Variants in RYK observed in about 807,000 individuals in gnomAD.
RYK encodes the protein receptor like tyrosine kinase, also known as inactive tyrosine-protein kinase RYK.
In RYK, 21 loss-of-function variants were observed where a neutral mutation model predicts 70.2. That is an observed-to-expected ratio of 0.30 (90% CI 0.21 to 0.43). The LOEUF is 0.43. Among genes scored for constraint, RYK ranks in the 20% least tolerant of loss-of-function variants. The pLI is 1.00. For synonymous variants in RYK, 267 were observed against 278.0 expected, an observed-to-expected ratio of 0.96 and a Z score of 0.39; for missense variants, 604 against 753.3, an observed-to-expected ratio of 0.80 and a Z score of 2.32.
At chr3:134,177,830 C>T in intron 11 of RYK, 111 bp downstream of exon 11, 2 of 894,304 alleles carry the variant, frequency 2.2e-6, no homozygotes, top group Non-Finnish European at 3.4e-6. Flanking sequence ...TTTTGAGGTT[C>T]TTTTTTGCAG....
rs368922784 is a variant in RYK at position 134,238,314 on chromosome 3, T to C, written c.232+12109A>G. 9.1e-4 allele frequency among the ~76,000 whole-genome samples: 139 copies of C among 152,324 alleles called. 1 individual carries two copies. The highest frequency in any genetic ancestry group is 3.2e-3 in the African/African-American group (134 of 41,574). On this transcript the variant is annotated intron_variant, in intron 1 of 14. Transcript: ENST00000623711. ...TGCCACATTCTTCAGCATTTCCTCA[T>C]ATATTTGTCCTGCAACCCTAAGTGT...
intron 8 of RYK, among the ~76,000 whole-genome samples, chr3:134,190,098 G>C (rs933201751): frequency 6.6e-6 from 1 of 152,214 alleles, no homozygotes; most frequent in African/African-American, 2.4e-5. Flanking sequence ...CTGTGGCCTA[G>C]AGACAGAGTA....
chr3:134,205,768 T>C (rs1425582731), intron 5 of RYK, among the ~76,000 whole-genome samples: 1 of 152,204 alleles, frequency 6.6e-6, no homozygotes, highest in Non-Finnish European at 1.5e-5. Context: ...TGCCTTATCA[T>C]AGCTTGCCAT....
At chr3:134,228,374 G>A (rs886147072) in intron 1 of RYK, among the ~76,000 whole-genome samples, 6 of 152,144 alleles carry the variant, frequency 3.9e-5, no homozygotes, top group African/African-American at 1.2e-4. Context: ...TTAGTATGTC[G>A]AAGAGGTATC....
chr3:134,162,883 GGAA>G (rs773674985), intron 13 of RYK, among the ~76,000 whole-genome samples: 3 of 152,230 alleles, frequency 2.0e-5, no homozygotes, highest in South Asian at 2.1e-4. Context: ...ACTAGATTTT[GGAA>G]GAAGAAACCA....
chr3:134,243,864 C>T (rs1393747844), intron 1 of RYK, among the ~76,000 whole-genome samples: 2 of 152,132 alleles, frequency 1.3e-5, no homozygotes, highest in Non-Finnish European at 2.9e-5. Flanking sequence ...ATCTCTGTTA[C>T]AGTCATAAAT....
chr3:134,200,498 G>A (rs933943474), intron 6 of RYK, among the ~76,000 whole-genome samples: 4 of 152,136 alleles, frequency 2.6e-5, no homozygotes, highest in Admixed American at 6.5e-5. Flanking sequence ...GCGAGAGTCC[G>A]CGGCTTCATT....
chr3:134,196,341 G>T (rs1302713384), intron 6 of RYK, among the ~76,000 whole-genome samples: 1 of 152,096 alleles, frequency 6.6e-6, no homozygotes, highest in African/African-American at 2.4e-5. Context: ...TTAGCTACAG[G>T]ATCAGCAGTG....
chr3:134,189,241 A>G (rs2013566997), intron 8 of RYK, among the ~76,000 whole-genome samples: 1 of 152,226 alleles, frequency 6.6e-6, no homozygotes. Context: ...CCACAATGGC[A>G]TTTATGAGTT....
chr3:134,196,751 C>T (rs1008742520), intron 6 of RYK, among the ~76,000 whole-genome samples: 9 of 152,140 alleles, frequency 5.9e-5, no homozygotes, highest in African/African-American at 2.2e-4. Context: ...CTTTATGTAG[C>T]CTTTCTATGG....
intron 10 of RYK, 100 bp downstream of exon 10, chr3:134,182,902 A>C: frequency 1.5e-6 from 1 of 649,412 alleles, no homozygotes; most frequent in Non-Finnish European, 2.4e-6. Flanking sequence ...TATTCCACAA[A>C]GCTTTCAATT....
chr3:134,239,205 A>G (rs563270669), intron 1 of RYK, among the ~76,000 whole-genome samples: 1 of 152,278 alleles, frequency 6.6e-6, no homozygotes, highest in East Asian at 1.9e-4. Context: ...CACACCTGTA[A>G]ACCCAGCACT....
chr3:134,193,355 T>G (rs1374821285), intron 7 of RYK, among the ~76,000 whole-genome samples: 2 of 152,096 alleles, frequency 1.3e-5, no homozygotes, highest in African/African-American at 4.8e-5. Context: ...AGCTAATTTT[T>G]TGTATTTTTA....
chr3:134,210,036 G>C (rs532624669), intron 3 of RYK, among the ~76,000 whole-genome samples: 1 of 152,206 alleles, frequency 6.6e-6, no homozygotes, highest in South Asian at 2.1e-4. Context: ...ATTCATTATG[G>C]ATATAAAAGT....
chr3:134,224,530 C>T (rs1459646675), intron 1 of RYK, among the ~76,000 whole-genome samples: 2 of 152,204 alleles, frequency 1.3e-5, no homozygotes, highest in Non-Finnish European at 2.9e-5. Flanking sequence ...CTCCAGATGG[C>T]TGCGGGCGGG....
At chr3:134,174,847 G>T (rs972904778) in intron 13 of RYK, among the ~76,000 whole-genome samples, 3 of 151,856 alleles carry the variant, frequency 2.0e-5, no homozygotes, top group Non-Finnish European at 4.4e-5. Context: ...GGATGACGGG[G>T]GGATTTACAA....
intron 7 of RYK, among the ~76,000 whole-genome samples, chr3:134,192,244 C>A (rs1045617290): frequency 2.6e-5 from 4 of 152,148 alleles, no homozygotes; most frequent in African/African-American, 7.2e-5. Flanking sequence ...ACCATGACCA[C>A]CACTTCAATT....
chr3:134,213,201 G>C (rs185062196), intron 2 of RYK, among the ~76,000 whole-genome samples: 14 of 152,284 alleles, frequency 9.2e-5, no homozygotes, highest in African/African-American at 3.1e-4. Context: ...TCTCTGAACA[G>C]GACCATACAT....
At chr3:134,242,109 G>A (rs1022531004) in intron 1 of RYK, among the ~76,000 whole-genome samples, 1 of 152,022 alleles carries the variant, frequency 6.6e-6, no homozygotes, top group African/African-American at 2.4e-5. Flanking sequence ...GTTCAAGATT[G>A]GACTGGCCAA....
Sources: gnomAD v4.1 joint callset for allele counts (sites outside exome capture counted in the v4.1 genomes callset) on GRCh38, gnomAD v4.1.1 for gene constraint, MANE v1.5 for transcripts, NCBI Gene and HGNC (gene_info 2026-07-23, HGNC 2026-07-21) for gene names.